SORCS2: variants seen among roughly 807,000 people sequenced by gnomAD.
SORCS2 encodes the protein VPS10 domain-containing receptor SorCS2.
Under a neutral mutation model 141.6 loss-of-function variants are expected in SORCS2, and 100 were observed. The observed-to-expected ratio is 0.71, with a 90% CI of 0.60 to 0.83. SORCS2 has a LOEUF of 0.83. Ranked by LOEUF, SORCS2 falls within the 40% of genes least tolerant of loss-of-function variation. The pLI is 0.00. For synonymous variants in SORCS2, 789 were observed against 676.9 expected (o/e 1.17, Z -2.57); for missense variants, 1,646 against 1,560.2 (o/e 1.05, Z -0.93).
intron 1 of SORCS2, among the ~76,000 whole-genome samples, chr4:7,334,620 C>A (rs1340402933): frequency 2.0e-5 from 3 of 152,182 alleles, no homozygotes; most frequent in African/African-American, 7.2e-5. Flanking sequence ...CCTGCAGCAA[C>A]AGGGATTCAG....
intron 3 of SORCS2, among the ~76,000 whole-genome samples, chr4:7,586,990 G>T (rs528823331): frequency 3.9e-5 from 6 of 152,118 alleles, no homozygotes; most frequent in Non-Finnish European, 8.8e-5. Context: ...ACATGCAGGA[G>T]AGTGACAGAG....
rs933049875 is a variant in SORCS2 at position 7,434,614 on chromosome 4, G to C, written c.548+38259G>C. The C allele has an allele frequency of 4.3e-6, 7 of 1,613,308 alleles. No individual in the cohort carries two copies. The African/African-American group carries it at 9.3e-5, about 22-fold the overall frequency. ...CCACTCACAGGTCTTCATCACCAAA[G>C]CCAGGATGTCAGACTCCGTGGCGTC... On this transcript the variant is annotated intron_variant, in intron 2 of 26. Transcript: ENST00000507866.
At chr4:7,534,032 C>A (rs779330544) in intron 3 of SORCS2, among the ~76,000 whole-genome samples, 5 of 152,156 alleles carry the variant, frequency 3.3e-5, no homozygotes, top group Non-Finnish European at 7.3e-5. Context: ...TTATTTGAAT[C>A]CCTGGGCACA....
chr4:7,600,654 T>TACACAC (rs1371962081), intron 3 of SORCS2, among the ~76,000 whole-genome samples: 7 of 92,670 alleles, frequency 7.6e-5, no homozygotes, highest in African/African-American at 3.1e-4. Flanking sequence ...TACATATATA[T>TACACAC]ATACACACAC....
intron 26 of SORCS2, 149 bp downstream of exon 26, chr4:7,737,321 C>A: frequency 9.5e-7 from 1 of 1,052,192 alleles, no homozygotes; most frequent in Non-Finnish European, 1.3e-6. Context: ...GTCGGTCGGG[C>A]CCACTGTGTC....
intron 1 of SORCS2, among the ~76,000 whole-genome samples, chr4:7,279,681 C>T (rs188658059): frequency 1.3e-5 from 2 of 152,274 alleles, no homozygotes; most frequent in East Asian, 3.9e-4. Flanking sequence ...AGTGTCCAGC[C>T]GCGGAATTAC....
chr4:7,236,225 C>T (rs1049701837), intron 1 of SORCS2, among the ~76,000 whole-genome samples: 9 of 152,106 alleles, frequency 5.9e-5, no homozygotes, highest in African/African-American at 1.7e-4. Flanking sequence ...AGGAGCTTGG[C>T]GTTTTAGGTA....
intron 4 of SORCS2, among the ~76,000 whole-genome samples, chr4:7,652,578 C>G (rs1267415611): frequency 1.3e-5 from 2 of 152,154 alleles, no homozygotes; most frequent in African/African-American, 2.4e-5. Flanking sequence ...TCCCAGGTTC[C>G]GGGGCACAGA....
At chr4:7,708,247 G>A (rs1177223929) in intron 14 of SORCS2, among the ~76,000 whole-genome samples, 1 of 152,232 alleles carries the variant, frequency 6.6e-6, no homozygotes, top group Non-Finnish European at 1.5e-5. Flanking sequence ...CTTAGACTCT[G>A]ATTCTAGTAT....
At chr4:7,501,512 C>T (rs1457392597) in intron 2 of SORCS2, among the ~76,000 whole-genome samples, 6 of 67,840 alleles carry the variant, frequency 8.8e-5, no homozygotes, top group African/African-American at 4.0e-4. Context: ...CCAGGGCTGG[C>T]GCTGGTAACA....
intron 14 of SORCS2, among the ~76,000 whole-genome samples, chr4:7,712,354 T>G (rs1020138267): frequency 6.6e-6 from 1 of 152,174 alleles, no homozygotes; most frequent in African/African-American, 2.4e-5. Context: ...TGACCACAGA[T>G]CATTCCGCAA....
At chr4:7,264,420 C>T (rs1413504547) in intron 1 of SORCS2, among the ~76,000 whole-genome samples, 1 of 152,120 alleles carries the variant, frequency 6.6e-6, no homozygotes, top group Admixed American at 6.5e-5. Context: ...GCATCTGTCC[C>T]CTAGCTGGCC....
chr4:7,544,964 C>T (rs1467132162), intron 3 of SORCS2, among the ~76,000 whole-genome samples: 3 of 152,214 alleles, frequency 2.0e-5, no homozygotes, highest in African/African-American at 4.8e-5. Context: ...GCGATGTTCT[C>T]CATTTCCCTT....
rs114715013 is a variant in SORCS2, at chr4:7,340,006, G to T, written c.481-56282G>T. ...GAGGAGAGGCTGGGGGCTTGTCCGG[G>T]GTCAGAGATGCTGATAATTAGGAGG... is the stretch of plus-strand genomic sequence containing the variant. On this transcript the variant is annotated intron_variant, in intron 1 of 26. Coordinates refer to ENST00000507866, the MANE Select transcript of SORCS2 (RefSeq NM_020777.3). 6.6e-3 allele frequency among the ~76,000 whole-genome samples: 1,008 copies of T among 152,310 alleles called. 11 individuals carry two copies. The highest frequency in any genetic ancestry group is 0.022 in the African/African-American group (920 of 41,564).
At chr4:7,614,266 C>T (rs1718609493) in intron 3 of SORCS2, among the ~76,000 whole-genome samples, 1 of 151,384 alleles carries the variant, frequency 6.6e-6, no homozygotes, top group Non-Finnish European at 1.5e-5. Context: ...ATCCACTCAT[C>T]CATCCACCCA....
At chr4:7,673,271 C>T (rs1722900284) in intron 8 of SORCS2, among the ~76,000 whole-genome samples, 1 of 152,202 alleles carries the variant, frequency 6.6e-6, no homozygotes, top group South Asian at 2.1e-4. Context: ...CAGCAGATAA[C>T]AAGAGCTTTC....
intron 3 of SORCS2, among the ~76,000 whole-genome samples, chr4:7,543,738 A>G: frequency 8.2e-6 from 1 of 122,122 alleles, no homozygotes; most frequent in Admixed American, 7.8e-5. Context: ...CCATCCACCC[A>G]TCCACCCATC....
chr4:7,337,055 C>G (rs893409328), intron 1 of SORCS2, among the ~76,000 whole-genome samples: 3 of 152,150 alleles, frequency 2.0e-5, no homozygotes, highest in African/African-American at 7.2e-5. Flanking sequence ...GAGAGGCTGG[C>G]TTTTTGTGCC....
chr4:7,734,381 C>A lies in SORCS2; in HGVS notation c.3311+7C>A. On this transcript the variant is annotated splice_region_variant and intron_variant, in intron 25 of 26. Coordinates refer to ENST00000507866, the MANE Select transcript of SORCS2 (RefSeq NM_020777.3). ...TCCTCTACAAGTTCAAAAGGCAAGGCCCTTGGCTGCCCTCCTCTGCGGGGC... is the reference window on the plus strand; with the variant it reads ...TCCTCTACAAGTTCAAAAGGCAAGGACCTTGGCTGCCCTCCTCTGCGGGGC... 1 of 1,510,688 alleles carries A rather than the reference C, an allele frequency of 6.6e-7. No individual in the cohort carries two copies. Among genetic ancestry groups the A allele is most frequent in the Non-Finnish European group, 8.9e-7 (1 of 1,122,262 alleles). The allele number at this position is 1,510,688 out of a possible 1,614,324, so 93.6% of individuals were successfully genotyped here.
Sources: gnomAD v4.1 joint callset for allele counts (sites outside exome capture counted in the v4.1 genomes callset) on GRCh38, gnomAD v4.1.1 for gene constraint, MANE v1.5 for transcripts, NCBI Gene and HGNC (gene_info 2026-07-23, HGNC 2026-07-21) for gene names.